Variants in PIK3R3 observed in about 807,000 individuals in gnomAD.
The protein encoded by PIK3R3 is phosphatidylinositol 3-kinase regulatory subunit gamma.
Under a neutral mutation model 62.9 loss-of-function variants are expected in PIK3R3, and 64 were observed. The observed-to-expected ratio is 1.02, with a 90% CI of 0.83 to 1.25. The LOEUF is 1.25. Ranked by LOEUF, PIK3R3 falls within the 50% of genes most tolerant of loss-of-function variation. The pLI is 0.00. For synonymous variants in PIK3R3, 165 were observed against 189.0 expected (o/e 0.87, Z 1.04); for missense variants, 614 against 561.6 (o/e 1.09, Z -0.94).
At chr1:46,083,819 T>A (rs1650824300) in intron 1 of PIK3R3, among the ~76,000 whole-genome samples, 2 of 152,198 alleles carry the variant, frequency 1.3e-5, no homozygotes, top group African/African-American at 4.8e-5. Context: ...GGAATACTCA[T>A]AGACTGCTGG....
rs1167068294 is a variant in PIK3R3 at position 46,112,981 on chromosome 1, G to A, written c.106+18866C>T. Among the ~76,000 whole-genome samples the A allele has an allele frequency of 3.3e-5, 5 of 151,872 alleles. No homozygotes were observed. The South Asian group carries it at 6.2e-4, about 19-fold the overall frequency. On this transcript the variant is annotated intron_variant, in intron 1 of 9. Coordinates refer to ENST00000262741, the MANE Select transcript of PIK3R3 (RefSeq NM_003629.4). ...ATTTCATTTTCCTCAGAATAGCCTC[G>A]AAGCCCACCAATCCTACTTTTTAAA...
At chr1:46,147,397 G>A in the PIK3R3 span, among the ~76,000 whole-genome samples, 1 of 152,174 alleles carries the variant, frequency 6.6e-6, no homozygotes, top group East Asian at 1.9e-4. Flanking sequence ...GAGCCACCAC[G>A]CCCGGCCAGG....
the PIK3R3 span, among the ~76,000 whole-genome samples, chr1:46,153,542 G>T: frequency 1.1e-4 from 16 of 152,218 alleles, no homozygotes; most frequent in Non-Finnish European, 1.9e-4. Flanking sequence ...GCTGAAATCT[G>T]CCTCCTTAAG....
chr1:46,046,741 C>G (rs2149373907), intron 7 of PIK3R3, 116 bp from the exon 8 acceptor site: 2 of 678,170 alleles, frequency 2.9e-6, no homozygotes, highest in South Asian at 3.7e-5. Flanking sequence ...TTCCTAATCC[C>G]ACAGAATGGG....
chr1:46,089,824 A>C (rs1651445360), intron 1 of PIK3R3, among the ~76,000 whole-genome samples: 1 of 152,206 alleles, frequency 6.6e-6, no homozygotes, highest in South Asian at 2.1e-4. Context: ...AGAAAGTTAT[A>C]ATTGTGATAT....
intron 1 of PIK3R3, among the ~76,000 whole-genome samples, chr1:46,102,308 G>GT (rs1652774791): frequency 6.6e-6 from 1 of 151,382 alleles, no homozygotes; most frequent in Admixed American, 6.6e-5. Context: ...TAAAATTGGT[G>GT]ATTTGTATGG....
chr1:46,154,695 C>A, the PIK3R3 span, among the ~76,000 whole-genome samples: 8 of 152,096 alleles, frequency 5.3e-5, no homozygotes, highest in Non-Finnish European at 1.2e-4. Flanking sequence ...CTCCTTTTAA[C>A]CCTCACCCTC....
the PIK3R3 span, among the ~76,000 whole-genome samples, chr1:46,146,227 A>T: frequency 3.3e-5 from 5 of 152,190 alleles, no homozygotes; most frequent in African/African-American, 4.8e-5. Flanking sequence ...ATCCCAGAGT[A>T]GTACCTGGGA....
At chr1:46,071,800 T>TG (rs1351054774) in intron 3 of PIK3R3, among the ~76,000 whole-genome samples, 1 of 142,634 alleles carries the variant, frequency 7.0e-6, no homozygotes, top group Non-Finnish European at 1.5e-5. Flanking sequence ...AAAAATGCAG[T>TG]GGTTCTCCCC....
chr1:46,099,601 C>G (rs932913655), intron 1 of PIK3R3, among the ~76,000 whole-genome samples: 2 of 152,072 alleles, frequency 1.3e-5, no homozygotes, highest in African/African-American at 4.8e-5. Flanking sequence ...ATTTTCTCAC[C>G]GTTCTCTACC....
chr1:46,101,436 C>T (rs1054046962), intron 1 of PIK3R3, among the ~76,000 whole-genome samples: 1 of 152,138 alleles, frequency 6.6e-6, no homozygotes, highest in Non-Finnish European at 1.5e-5. Context: ...AACCTGGAGG[C>T]GGAGGTTGCA....
intron 1 of PIK3R3, among the ~76,000 whole-genome samples, chr1:46,113,461 A>AT (rs952986197): frequency 5.9e-5 from 9 of 151,492 alleles, no homozygotes; most frequent in Middle Eastern, 3.4e-3. Context: ...ACCCAGCCAG[A>AT]TTTTTTTTAA....
At chr1:46,145,914 A>G in the PIK3R3 span, among the ~76,000 whole-genome samples, 2 of 152,158 alleles carry the variant, frequency 1.3e-5, no homozygotes, top group Admixed American at 1.3e-4. Context: ...TCAGGATACT[A>G]AGCATAGTTG....
chr1:46,110,125 T>A (rs1361127934), intron 1 of PIK3R3, among the ~76,000 whole-genome samples: 1 of 151,332 alleles, frequency 6.6e-6, no homozygotes, highest in Non-Finnish European at 1.5e-5. Flanking sequence ...TTTTTTTTTC[T>A]TTTTGAGATG....
At chr1:46,095,950 T>C (rs1371997175) in intron 1 of PIK3R3, among the ~76,000 whole-genome samples, 1 of 152,222 alleles carries the variant, frequency 6.6e-6, no homozygotes, top group Non-Finnish European at 1.5e-5. Flanking sequence ...ATTATATGTA[T>C]ATTTTTCATT....
At chr1:46,104,764 A>G (rs1166144233) in intron 1 of PIK3R3, among the ~76,000 whole-genome samples, 1 of 151,868 alleles carries the variant, frequency 6.6e-6, no homozygotes, top group Non-Finnish European at 1.5e-5. Context: ...CCCTGTCTCT[A>G]CTAAAAATTA....
upstream of PIK3R3, chr1:46,132,894 T>A: frequency 8.4e-7 from 1 of 1,191,582 alleles, no homozygotes; most frequent in Non-Finnish European, 1.1e-6. Context: ...CCATCCGCGC[T>A]CTCCCCCAGC....
intron 7 of PIK3R3, chr1:46,048,354 G>T (rs887756917): frequency 6.6e-6 from 1 of 152,166 alleles, no homozygotes; most frequent in African/African-American, 2.4e-5. Flanking sequence ...GTCTTTCTCA[G>T]TAAGAATTGC....
Position 46,132,293 on chromosome 1 carries a change from C to T in PIK3R3, c.-341G>A. 1 of 1,114,396 alleles carries T rather than the reference C, an allele frequency of 9.0e-7. No individual in the cohort carries two copies. Among genetic ancestry groups the T allele is most frequent in the Non-Finnish European group, 1.1e-6 (1 of 906,858 alleles). 69.0% of individuals were successfully genotyped at this position (1,114,396 alleles called of 1,614,324 possible). A position where few individuals can be genotyped will look rare whatever the true frequency, so the allele number is the denominator to read the frequency against. ...CGGGGAGAAAAGCTCCCACCGCCTC[C>T]AAATCTTTCCGCGGAAGCCACTTTT... On this transcript the variant is annotated 5_prime_UTR_variant, in exon 1 of 10. Transcript: ENST00000262741.
Sources: gnomAD v4.1 joint callset for allele counts (sites outside exome capture counted in the v4.1 genomes callset) on GRCh38, gnomAD v4.1.1 for gene constraint, MANE v1.5 for transcripts, NCBI Gene and HGNC (gene_info 2026-07-23, HGNC 2026-07-21) for gene names.